Variants in REL observed in about 807,000 individuals in gnomAD.
REL encodes the protein proto-oncogene c-Rel.
REL carries 15 observed loss-of-function variants against 45.9 expected under a neutral mutation model. The ratio of observed to expected loss-of-function variants is 0.33; its 90% CI spans 0.22 to 0.50. The LOEUF (loss-of-function observed/expected upper bound fraction) is 0.50. Among genes scored for constraint, REL ranks in the 20% least tolerant of loss-of-function variants. The probability of loss-of-function intolerance (pLI) is 0.98; values close to 1 mark genes in which losing one functional copy is unlikely to be tolerated. For missense variants in REL, 601 were observed against 715.2 expected, an observed-to-expected ratio of 0.84 and a Z score of 1.82; for synonymous variants, 239 against 242.1, an observed-to-expected ratio of 0.99 and a Z score of 0.12.
At chr2:60,881,936 G>A (rs1271102126) in intron 1 of REL, 86 bp downstream of exon 1, 1 of 916,320 alleles carries the variant, frequency 1.1e-6, no homozygotes, top group Non-Finnish European at 1.5e-6. Context: ...AGGGAGCTCA[G>A]TTTTTGCTGG....
In REL at chr2:60,886,496, C is replaced by T. The variant is rs114105152; in HGVS notation, c.10+4646C>T. The stretch of plus-strand genomic sequence containing the variant: ...TCATAATTCATTTTTATTATAACTT[C>T]ATATAATTTTCAACTTTAGTTTTAT... On this transcript the variant is annotated intron_variant, in intron 1 of 9. Transcript: ENST00000394479. Among the ~76,000 whole-genome samples, 763 of 152,186 alleles carry T rather than the reference C, an allele frequency of 5.0e-3. 5 individuals are homozygous for T. Among genetic ancestry groups the T allele is most frequent in the African/African-American group, 0.018 (728 of 41,536 alleles).
intron 9 of REL, 122 bp downstream of exon 9, chr2:60,920,764 TC>T: frequency 1.6e-6 from 1 of 623,932 alleles, no homozygotes; most frequent in Admixed American, 3.3e-5. Flanking sequence ...TCCAGATTTT[TC>T]ATGCTTTCAG....
chr2:60,930,370 TCATTAG>T lies in REL; in HGVS notation c.*7841_*7846del, dbSNP rs1461920625. 6 of 152,376 alleles carry T rather than the reference TCATTAG, an allele frequency of 3.9e-5. No homozygotes were observed. Among genetic ancestry groups the T allele is most frequent in the Non-Finnish European group, 7.3e-5 (5 of 68,038 alleles). 9.4% of individuals were successfully genotyped at this position (152,376 alleles called of 1,614,324 possible). The stretch of plus-strand genomic sequence containing the variant: ...TAGTAAGAAACCTGAGATGGACTTC[TCATTAG>T]CATTAACTAGTTATTGCCCAGCTTT... On this transcript the variant is annotated 3_prime_UTR_variant, in exon 10 of 10. Coordinates refer to ENST00000394479, the MANE Select transcript of REL (RefSeq NM_001291746.2).
chr2:60,918,669 C>G, intron 7 of REL, 63 bp downstream of exon 7: 7 of 1,091,374 alleles, frequency 6.4e-6, no homozygotes, highest in Non-Finnish European at 9.9e-6. Flanking sequence ...ATAACATCTT[C>G]TTGTAATATT....
At position 60,917,680 on chromosome 2, in the gene REL, C is replaced by CTGTGTGTG. The variant is rs34038794; in HGVS notation, c.536-483_536-476dup. Among the ~76,000 whole-genome samples, 649 of 142,306 alleles carry CTGTGTGTG rather than the reference C, an allele frequency of 4.6e-3. 5 individuals are homozygous for CTGTGTGTG. Among genetic ancestry groups the CTGTGTGTG allele is most frequent in the East Asian group, 0.023 (112 of 4,810 alleles). The allele number at this position is 142,306 out of a possible 152,430, so 93.4% of individuals were successfully genotyped here. On this transcript the variant is annotated intron_variant, in intron 5 of 9. Coordinates refer to ENST00000394479, the MANE Select transcript of REL (RefSeq NM_001291746.2). Reference sequence around the variant, plus strand: ...GATTATGAAACTTTCCCCCAAAATACTGTGTGTGTGTGTGTGTGTGTGTGT... The same window carrying CTGTGTGTG: ...GATTATGAAACTTTCCCCCAAAATACTGTGTGTGTGTGTGTGTGTGTGTGTGTGTGTGT...
chr2:60,883,165 C>G (rs568857197), intron 1 of REL, among the ~76,000 whole-genome samples: 8 of 152,188 alleles, frequency 5.3e-5, no homozygotes, highest in Admixed American at 1.3e-4. Flanking sequence ...GAAGAGGGGG[C>G]CCCGTTTATG....
intron 2 of REL, 71 bp downstream of exon 2, chr2:60,891,896 A>G: frequency 1.5e-6 from 2 of 1,368,002 alleles, no homozygotes; most frequent in South Asian, 3.5e-5. Flanking sequence ...AATTATTTTA[A>G]AGGGCCAGTT....
In REL at chr2:60,922,758, C is replaced by T; in HGVS notation, c.*223C>T. The T allele has an allele frequency of 8.8e-7, 1 of 1,135,856 alleles. No homozygotes were observed. Among genetic ancestry groups the T allele is most frequent in the Non-Finnish European group, 1.1e-6 (1 of 924,682 alleles). 70.4% of individuals were successfully genotyped at this position (1,135,856 alleles called of 1,614,324 possible). On this transcript the variant is annotated 3_prime_UTR_variant, in exon 10 of 10. Transcript: ENST00000394479. The stretch of plus-strand genomic sequence containing the variant: ...TGGAAGCTGTCATAAAAAGACAACT[C>T]AGAGGCCAGGCGCAGGGGCTCACAC...
chr2:60,881,587 C>T lies in REL; in HGVS notation c.-254C>T, dbSNP rs1047316974. 2 of 491,860 alleles carry T rather than the reference C, an allele frequency of 4.1e-6. No homozygotes were observed. The highest frequency in any genetic ancestry group is 3.6e-5 in the East Asian group (1 of 28,074). 30.5% of individuals were successfully genotyped at this position (491,860 alleles called of 1,614,324 possible). On this transcript the variant is annotated 5_prime_UTR_variant, in exon 1 of 10. Transcript: ENST00000394479. ...GGCTGGGCCAGCACTCGGCTCTCCC[C>T]GCTCCGCCCCCTGCCCCTGGCTCCC...
At chr2:60,920,817 A>G (rs60243942) in intron 9 of REL, among the ~76,000 whole-genome samples, 175 bp downstream of exon 9, 1 of 152,280 alleles carries the variant, frequency 6.6e-6, no homozygotes, top group East Asian at 1.9e-4. Context: ...TTGTGTTAGA[A>G]ACTGATTATG....
At chr2:60,885,869 A>AT (rs1246123948) in intron 1 of REL, among the ~76,000 whole-genome samples, 1 of 152,194 alleles carries the variant, frequency 6.6e-6, no homozygotes, top group Non-Finnish European at 1.5e-5. Context: ...GAGTTAAAAT[A>AT]TTTGTGTTGT....
intron 3 of REL, 100 bp from the exon 4 acceptor site, chr2:60,900,892 C>A: frequency 7.1e-6 from 7 of 991,200 alleles, no homozygotes; most frequent in Non-Finnish European, 9.0e-6. Flanking sequence ...TTGGTATGTA[C>A]AACTGACAGC....
In REL at chr2:60,881,742, C is replaced by G; in HGVS notation, c.-99C>G. 8.7e-7 allele frequency: 1 copy of G among 1,142,918 alleles called. No individual in the cohort carries two copies. Among genetic ancestry groups the G allele is most frequent in the Non-Finnish European group, 1.2e-6 (1 of 804,294 alleles). The allele number at this position is 1,142,918 out of a possible 1,614,324, so 70.8% of individuals were successfully genotyped here. ...TAGGGTGGTCGGGGGACTGGGGGCC[C>G]CGCCGGCAGAGGTCCCTCGGCCTCC... On this transcript the variant is annotated 5_prime_UTR_variant, in exon 1 of 10. Coordinates refer to ENST00000394479, the MANE Select transcript of REL (RefSeq NM_001291746.2).
intron 9 of REL, 51 bp from the exon 10 acceptor site, chr2:60,921,712 T>G (rs1407372680): frequency 1.3e-6 from 2 of 1,484,626 alleles, no homozygotes; most frequent in South Asian, 1.3e-5. Flanking sequence ...AGAAATGCTT[T>G]TTATAATTTT....
intron 4 of REL, among the ~76,000 whole-genome samples, chr2:60,914,043 C>T (rs1673890821): frequency 6.6e-6 from 1 of 152,146 alleles, no homozygotes; most frequent in Non-Finnish European, 1.5e-5. Context: ...ATCAGACATC[C>T]CTTCTGACTT....
chr2:60,918,179 C>A lies in REL; in HGVS notation c.536-12C>A. ...GTAGCAACTCATTTTTTTGAAAATC[C>A]TTTATATTTAGGTGCTCCAAATACT... On this transcript the variant is annotated splice_polypyrimidine_tract_variant and intron_variant, in intron 5 of 9. Transcript: ENST00000394479. 1 of 1,518,196 alleles carries A rather than the reference C, an allele frequency of 6.6e-7. No homozygotes were observed. The highest frequency in any genetic ancestry group is 9.0e-7 in the Non-Finnish European group (1 of 1,117,138). 94.0% of individuals were successfully genotyped at this position (1,518,196 alleles called of 1,614,324 possible). A position where few individuals can be genotyped will look rare whatever the true frequency, so the allele number is the denominator to read the frequency against.
Position 60,922,654 on chromosome 2 carries a change from A to T in REL, c.*119A>T. 7.4e-7 allele frequency: 1 copy of T among 1,348,612 alleles called. No homozygotes were observed. Among genetic ancestry groups the T allele is most frequent in the Non-Finnish European group, 9.5e-7 (1 of 1,047,630 alleles). 83.5% of individuals were successfully genotyped at this position (1,348,612 alleles called of 1,614,324 possible). Reference sequence around the variant, plus strand: ...ACTGTATATATAATACTGACTGAGAATATAATACTGTATTTGAGAATATAA... The same window carrying T: ...ACTGTATATATAATACTGACTGAGATTATAATACTGTATTTGAGAATATAA... On this transcript the variant is annotated 3_prime_UTR_variant, in exon 10 of 10. Coordinates refer to ENST00000394479, the MANE Select transcript of REL (RefSeq NM_001291746.2).
rs760609860 is a variant in REL at position 60,918,560 on chromosome 2, G to A, written c.807G>A (p.Gln269=). The change falls in exon 7 of 10, where the codon CAG becomes CAA. Residue 269 remains glutamine (Q), a synonymous_variant. Coordinates refer to ENST00000394479, the MANE Select transcript of REL (RefSeq NM_001291746.2). ...VKMQLRRPSD[Q]EVSESMDFRY... ...TGCAGTTGCGGAGACCTTCTGACCA[G>A]GAAGTTAGTGAATCTATGGATTTTA... 6.2e-7 allele frequency: 1 copy of A among 1,614,036 alleles called. No individual in the cohort carries two copies. Among genetic ancestry groups the A allele is most frequent in the Non-Finnish European group, 8.5e-7 (1 of 1,179,952 alleles).
In REL at chr2:60,920,566, C is replaced by T; in HGVS notation, c.923-8C>T. The T allele has an allele frequency of 6.3e-7, 1 of 1,578,400 alleles. No individual in the cohort carries two copies. ...ACATTTAATAATGGAAAAACTTTAT[C>T]CTAACAGTTAATTTTCCTGAGAGAC... is the stretch of plus-strand genomic sequence containing the variant. On this transcript the variant is annotated splice_polypyrimidine_tract_variant and splice_region_variant and intron_variant, in intron 8 of 9. Transcript: ENST00000394479.
Sources: gnomAD v4.1 joint callset for allele counts (sites outside exome capture counted in the v4.1 genomes callset) on GRCh38, gnomAD v4.1.1 for gene constraint, MANE v1.5 for transcripts, NCBI Gene and HGNC (gene_info 2026-07-23, HGNC 2026-07-21) for gene names.